Variants in SLC4A1AP observed in about 807,000 individuals in gnomAD.
SLC4A1AP encodes solute carrier family 4 member 1 adaptor protein.
In SLC4A1AP, 64 loss-of-function variants were observed where a neutral mutation model predicts 89.7. The ratio of observed to expected loss-of-function variants is 0.71; its 90% CI spans 0.58 to 0.88. The LOEUF (loss-of-function observed/expected upper bound fraction) is 0.88, where lower values mean the gene tolerates loss of function less well. SLC4A1AP is among the 40% of genes least tolerant of loss of function. SLC4A1AP has a pLI of 0.00. For synonymous variants in SLC4A1AP, 366 were observed against 353.3 expected, an observed-to-expected ratio of 1.04 and a Z score of -0.40; for missense variants, 931 against 965.0, an observed-to-expected ratio of 0.96 and a Z score of 0.47.
Position 27,668,506 on chromosome 2 carries a change from A to AT in SLC4A1AP, c.1145-336dup, listed in dbSNP as rs1675370269. On this transcript the variant is annotated intron_variant, in intron 3 of 13. Coordinates refer to ENST00000613058, the Ensembl canonical transcript of SLC4A1AP. Reference sequence around the variant, plus strand: ...ACTCTGTCGCCCAGGCCGGAGTGCAATGGCGCAATCTTGGCTCACTGCAAC... The same window carrying AT: ...ACTCTGTCGCCCAGGCCGGAGTGCAATTGGCGCAATCTTGGCTCACTGCAAC... 11 of 450,342 alleles carry AT rather than the reference A, an allele frequency of 2.4e-5. No homozygotes were observed. In the Admixed American group the frequency reaches 2.8e-4, roughly 11 times the overall value. 27.9% of individuals were successfully genotyped at this position (450,342 alleles called of 1,614,324 possible). A position where few individuals can be genotyped will look rare whatever the true frequency, so the allele number is the denominator to read the frequency against.
intron 11 of SLC4A1AP, among the ~76,000 whole-genome samples, 199 bp downstream of exon 11, chr2:27,688,219 T>C (rs1328406707): frequency 6.6e-6 from 1 of 152,198 alleles, no homozygotes; most frequent in Non-Finnish European, 1.5e-5. Flanking sequence ...TTTACTCCTC[T>C]TCCACCTTCT....
intron 12 of SLC4A1AP, chr2:27,692,681 A>G (rs973074755): frequency 6.6e-6 from 1 of 152,078 alleles, no homozygotes; most frequent in Non-Finnish European, 1.5e-5. Flanking sequence ...TTTTAGGTGC[A>G]TATATATTTA....
At chr2:27,684,604 A>G (rs956588471) in intron 9 of SLC4A1AP, among the ~76,000 whole-genome samples, 1 of 152,198 alleles carries the variant, frequency 6.6e-6, no homozygotes, top group Admixed American at 6.5e-5. Context: ...TGATGGATTT[A>G]CATGCCTTGT....
In SLC4A1AP at chr2:27,668,296, C is replaced by T. The variant is rs1572988872; in HGVS notation, c.1145-547C>T. Among the ~76,000 whole-genome samples the T allele has an allele frequency of 3.3e-5, 5 of 152,120 alleles. No individual in the cohort carries two copies. In the South Asian group the frequency reaches 1.0e-3, roughly 32 times the overall value. On this transcript the variant is annotated intron_variant, in intron 3 of 13. Coordinates refer to ENST00000613058, the Ensembl canonical transcript of SLC4A1AP. ...CCCGAGTAGCTGGGACTACAGGCGC[C>T]CGCCACCACGCCCGGCTAATTTTTT...
At position 27,667,257 on chromosome 2, in the gene SLC4A1AP, ATATCCTG is replaced by A. The variant is rs1245182650; in HGVS notation, c.1022-8_1022-2del. ...TCTGATTATCTTTTCTTTCTTTTCC[ATATCCTG>A]TAGGAGAAGATGCAGTAGAGGATGA... is the stretch of plus-strand genomic sequence containing the variant. On this transcript the variant is annotated splice_region_variant and splice_polypyrimidine_tract_variant and intron_variant, in intron 2 of 13. Transcript: ENST00000613058. The A allele has an allele frequency of 3.1e-6, 5 of 1,599,906 alleles. No homozygotes were observed. The highest frequency in any genetic ancestry group is 4.3e-6 in the Non-Finnish European group (5 of 1,174,996).
intron 12 of SLC4A1AP, among the ~76,000 whole-genome samples, chr2:27,690,006 G>A (rs894699850): frequency 1.3e-5 from 2 of 152,108 alleles, no homozygotes; most frequent in African/African-American, 4.8e-5. Flanking sequence ...AGCTTGTGAT[G>A]CTTTATGGAA....
chr2:27,672,702 G>T (rs1333485736), intron 5 of SLC4A1AP, among the ~76,000 whole-genome samples: 1 of 152,150 alleles, frequency 6.6e-6, no homozygotes, highest in Non-Finnish European at 1.5e-5. Context: ...TATAGGTGGG[G>T]TTTCTGCATG....
At chr2:27,691,335 G>C (rs1460411180) in intron 12 of SLC4A1AP, among the ~76,000 whole-genome samples, 4 of 151,964 alleles carry the variant, frequency 2.6e-5, no homozygotes, top group African/African-American at 9.7e-5. Flanking sequence ...TGTGCATAGA[G>C]GTGTTCATAG....
chr2:27,679,797 T>C (rs1675589546), intron 8 of SLC4A1AP, among the ~76,000 whole-genome samples: 1 of 151,956 alleles, frequency 6.6e-6, no homozygotes, highest in African/African-American at 2.4e-5. Flanking sequence ...TAGGCCATGG[T>C]TATGTTTATA....
At chr2:27,681,806 C>G (rs1320726601) in intron 8 of SLC4A1AP, among the ~76,000 whole-genome samples, 2 of 152,156 alleles carry the variant, frequency 1.3e-5, no homozygotes, top group African/African-American at 4.8e-5. Context: ...ACTGTACCCC[C>G]ATCCCCATGC....
chr2:27,667,673 C>G (rs1325793724), intron 3 of SLC4A1AP, among the ~76,000 whole-genome samples: 1 of 152,022 alleles, frequency 6.6e-6, no homozygotes, highest in Non-Finnish European at 1.5e-5. Flanking sequence ...TCAAAAGATC[C>G]TGGACTTTGG....
At chr2:27,669,316 A>G in exon 5 of SLC4A1AP, 2 of 1,613,610 alleles carry the variant, frequency 1.2e-6, no homozygotes, top group Middle Eastern at 1.7e-4. Context: ...AAGAAAAAAG[A>G]AGCAATGATC....
intron 11 of SLC4A1AP, 35 bp from the exon 12 acceptor site, chr2:27,688,665 A>C: frequency 1.4e-6 from 2 of 1,452,862 alleles, no homozygotes; most frequent in Non-Finnish European, 1.9e-6. Flanking sequence ...CTTATACTGA[A>C]AATAGCTATT....
chr2:27,684,305 A>G (rs1386640291), intron 9 of SLC4A1AP, among the ~76,000 whole-genome samples: 1 of 151,762 alleles, frequency 6.6e-6, no homozygotes, highest in African/African-American at 2.4e-5. Context: ...CTGCGCACCT[A>G]TAACCCCAGC....
At chr2:27,683,893 G>A (rs1217623626) in intron 9 of SLC4A1AP, among the ~76,000 whole-genome samples, 8 of 151,766 alleles carry the variant, frequency 5.3e-5, no homozygotes, top group Non-Finnish European at 8.8e-5. Context: ...CCACCACCAC[G>A]CCCAACTAAT....
At chr2:27,665,874 T>C (rs955896741) in intron 2 of SLC4A1AP, among the ~76,000 whole-genome samples, 2 of 152,238 alleles carry the variant, frequency 1.3e-5, no homozygotes, top group African/African-American at 2.4e-5. Context: ...GGAAAAATTA[T>C]GAAATTACTT....
chr2:27,673,607 G>A (rs557949902), intron 5 of SLC4A1AP, among the ~76,000 whole-genome samples: 67 of 151,994 alleles, frequency 4.4e-4, no homozygotes, highest in African/African-American at 1.4e-3. Flanking sequence ...GGGACTACAG[G>A]TGCACACCAC....
rs1462505749 is a variant in SLC4A1AP, at chr2:27,665,312, G to T, written c.1021+17G>T. On this transcript the variant is annotated intron_variant, in intron 2 of 13. Transcript: ENST00000613058. ...GGGGAATGGGTAAGAAATTAAAATT[G>T]CTGCCGGAGGTTAATATTTTAAGTT... 2 of 1,571,746 alleles carry T rather than the reference G, an allele frequency of 1.3e-6. No homozygotes were observed. The highest frequency in any genetic ancestry group is 2.3e-5 in the South Asian group (2 of 85,598).
exon 1 of SLC4A1AP, chr2:27,664,417 G>A (rs201608519): frequency 6.2e-7 from 1 of 1,614,228 alleles, no homozygotes; most frequent in East Asian, 2.2e-5. Context: ...GGCCCTGACG[G>A]AGAATGCGAC....
Sources: allele counts gnomAD v4.1 joint callset (sites outside exome capture counted in the v4.1 genomes callset), GRCh38; gene constraint gnomAD v4.1.1; transcripts MANE v1.5; gene names NCBI Gene and HGNC (gene_info 2026-07-23, HGNC 2026-07-21).